Variants in MAPK8 observed in about 807,000 individuals in gnomAD.
The protein encoded by MAPK8 is JUN N-terminal kinase.
MAPK8 carries 13 observed loss-of-function variants against 52.9 expected under a neutral mutation model. The ratio of observed to expected loss-of-function variants is 0.25; its 90% CI spans 0.16 to 0.39. MAPK8 has a LOEUF of 0.39. Ranked by LOEUF, MAPK8 falls within the 10% of genes least tolerant of loss-of-function variation. The pLI is 1.00. For missense variants in MAPK8, 300 were observed against 519.2 expected, an observed-to-expected ratio of 0.58 and a Z score of 4.10; for synonymous variants, 191 against 169.8, an observed-to-expected ratio of 1.12 and a Z score of -0.97.
chr10:48,313,792 G>C (rs1227960926), intron 1 of MAPK8, among the ~76,000 whole-genome samples: 1 of 152,074 alleles, frequency 6.6e-6, no homozygotes, highest in South Asian at 2.1e-4. Flanking sequence ...TCTCACTCTT[G>C]TTGCCCAGGC....
chr10:48,376,865 G>A (rs1355621000), intron 1 of MAPK8, among the ~76,000 whole-genome samples: 1 of 152,160 alleles, frequency 6.6e-6, no homozygotes, highest in East Asian at 1.9e-4. Flanking sequence ...TCCCATTACT[G>A]GTTACATACC....
intron 1 of MAPK8, among the ~76,000 whole-genome samples, chr10:48,376,247 T>C (rs2040654432): frequency 6.6e-6 from 1 of 152,158 alleles, no homozygotes; most frequent in Non-Finnish European, 1.5e-5. Flanking sequence ...TCAAGATGGA[T>C]TAAAGACTTA....
intron 1 of MAPK8, among the ~76,000 whole-genome samples, chr10:48,346,051 T>A (rs1845740266): frequency 6.6e-6 from 1 of 152,166 alleles, no homozygotes; most frequent in South Asian, 2.1e-4. Context: ...GCAGGGAGCC[T>A]GAACTCCCAC....
chr10:48,354,310 G>T (rs1193649478), intron 1 of MAPK8, among the ~76,000 whole-genome samples: 1 of 152,188 alleles, frequency 6.6e-6, no homozygotes, highest in Non-Finnish European at 1.5e-5. Context: ...GCCAAATCTG[G>T]TTTCCTTTCC....
rs1343467392 is a variant in MAPK8 at position 48,404,843 on chromosome 10, T to C, written c.123-9T>C. On this transcript the variant is annotated splice_polypyrimidine_tract_variant and intron_variant, in intron 2 of 11. Transcript: ENST00000374189. ...GTTTTTTTGTGTGTTTTTGAATTTC[T>C]TATTACAGCGCAGCTTATGATGCCA... The C allele has an allele frequency of 1.3e-6, 2 of 1,581,142 alleles. 1 individual carries two copies. Among genetic ancestry groups the C allele is most frequent in the South Asian group, 2.3e-5 (2 of 85,346 alleles).
At chr10:48,402,114 A>G (rs552756712) in intron 2 of MAPK8, among the ~76,000 whole-genome samples, 2 of 152,258 alleles carry the variant, frequency 1.3e-5, no homozygotes, top group East Asian at 1.9e-4. Flanking sequence ...AGTGCCCCCA[A>G]AATTTAGATT....
At chr10:48,403,865 C>T (rs1041063192) in intron 2 of MAPK8, among the ~76,000 whole-genome samples, 1 of 151,282 alleles carries the variant, frequency 6.6e-6, no homozygotes, top group African/African-American at 2.4e-5. Context: ...TCTCCCGCCT[C>T]AGCCTCCGGA....
intron 10 of MAPK8, among the ~76,000 whole-genome samples, chr10:48,428,993 G>GTTT (rs111540494): frequency 7.9e-5 from 11 of 138,660 alleles, no homozygotes; most frequent in African/African-American, 2.7e-4. Context: ...GGCTAATTTT[G>GTTT]TTTTTTTTTT....
At chr10:48,361,979 T>G (rs746952579) in intron 1 of MAPK8, among the ~76,000 whole-genome samples, 40 of 152,180 alleles carry the variant, frequency 2.6e-4, no homozygotes, top group Non-Finnish European at 5.6e-4. Flanking sequence ...TTTCCAAAAC[T>G]TCAGAAAATT....
rs527576318 is a variant in MAPK8, at chr10:48,418,449, C to A, written c.451-1706C>A. On this transcript the variant is annotated intron_variant, in intron 5 of 11. Transcript: ENST00000374189. ...GATCATGGTGGGTTTGTGGACTGTG[C>A]GTTTACATAGATGATCAGCAACCCA... Among the ~76,000 whole-genome samples, 109 of 149,704 alleles carry A rather than the reference C, an allele frequency of 7.3e-4. No individual in the cohort carries two copies. The Middle Eastern group carries it at 0.01, about 14-fold the overall frequency.
At chr10:48,378,232 A>G (rs1396085007) in intron 1 of MAPK8, among the ~76,000 whole-genome samples, 2 of 152,140 alleles carry the variant, frequency 1.3e-5, no homozygotes, top group African/African-American at 4.8e-5. Flanking sequence ...ATGAGGGAGG[A>G]GGAAATGTCT....
chr10:48,379,203 A>T (rs1341214814), intron 1 of MAPK8, among the ~76,000 whole-genome samples: 1 of 152,186 alleles, frequency 6.6e-6, no homozygotes, highest in Non-Finnish European at 1.5e-5. Context: ...TGAAGTCCCA[A>T]AATATTTTGA....
At chr10:48,391,674 C>T (rs1334942931) in intron 1 of MAPK8, among the ~76,000 whole-genome samples, 1 of 152,126 alleles carries the variant, frequency 6.6e-6, no homozygotes, top group African/African-American at 2.4e-5. Context: ...CTTCCAATTC[C>T]ATTCTGACAC....
intron 1 of MAPK8, among the ~76,000 whole-genome samples, chr10:48,317,423 A>G (rs1423333331): frequency 6.6e-6 from 1 of 152,152 alleles, no homozygotes; most frequent in Non-Finnish European, 1.5e-5. Context: ...TCCGCCTCCC[A>G]AAGTGCTGGG....
chr10:48,392,045 A>T (rs2041653214), intron 1 of MAPK8, among the ~76,000 whole-genome samples: 1 of 151,974 alleles, frequency 6.6e-6, no homozygotes, highest in Non-Finnish European at 1.5e-5. Flanking sequence ...TTTCATGGAG[A>T]TTTATTGGAT....
chr10:48,390,903 T>C (rs1433070723), intron 1 of MAPK8, among the ~76,000 whole-genome samples: 1 of 152,258 alleles, frequency 6.6e-6, no homozygotes, highest in Non-Finnish European at 1.5e-5. Flanking sequence ...GAGATGCAGC[T>C]ATTGTCCTCA....
intron 1 of MAPK8, among the ~76,000 whole-genome samples, chr10:48,383,405 A>G (rs546978726): frequency 1.2e-3 from 190 of 152,362 alleles, no homozygotes; most frequent in Non-Finnish European, 2.3e-3. Flanking sequence ...ACAAATGGGT[A>G]CCCTAAAGGG....
intron 1 of MAPK8, among the ~76,000 whole-genome samples, chr10:48,396,618 C>T (rs547964046): frequency 1.3e-3 from 198 of 152,172 alleles, no homozygotes; most frequent in Non-Finnish European, 2.3e-3. Flanking sequence ...TATATTCACA[C>T]AAAAACATGT....
At position 48,409,941 on chromosome 10, in the gene MAPK8, AG is replaced by A; in HGVS notation, c.311+5del. On this transcript the variant is annotated splice_donor_5th_base_variant and intron_variant, in intron 4 of 11. Coordinates refer to ENST00000374189, the MANE Select transcript of MAPK8 (RefSeq NM_001323329.2). ...CCCTAGAAGAATTTCAAGATGTGTA[AG>A]TGTAATAATTAAAATTTTGTTAAGT... The A allele has an allele frequency of 6.2e-7, 1 of 1,610,534 alleles. No individual in the cohort carries two copies.
Sources: allele counts gnomAD v4.1 joint callset (sites outside exome capture counted in the v4.1 genomes callset), GRCh38; gene constraint gnomAD v4.1.1; transcripts MANE v1.5; gene names NCBI Gene and HGNC (gene_info 2026-07-23, HGNC 2026-07-21).